The following PDLIM5 variants were observed in gnomAD, a reference collection of about 807,000 sequenced individuals.
PDLIM5 encodes PDZ and LIM domain protein 5.
PDLIM5 carries 34 observed loss-of-function variants against 64.2 expected under a neutral mutation model. That is an observed-to-expected ratio of 0.53 (90% CI 0.40 to 0.71). The LOEUF is 0.71. Among genes scored for constraint, PDLIM5 ranks in the 30% least tolerant of loss-of-function variants. PDLIM5 has a pLI of 0.00. For synonymous variants in PDLIM5, 253 were observed against 269.1 expected (o/e 0.94, Z 0.59); for missense variants, 683 against 733.6 (o/e 0.93, Z 0.80).
rs534332765 is a variant in PDLIM5, at chr4:94,512,173, A to G, written c.97-11551A>G. Among the ~76,000 whole-genome samples the G allele has an allele frequency of 1.2e-4, 18 of 151,990 alleles. No homozygotes were observed. The South Asian group carries it at 3.5e-3, about 30-fold the overall frequency. The stretch of plus-strand genomic sequence containing the variant: ...GTAGCTGGGACTACTGGCATGCCCC[A>G]CCACACCCGGCTAATTTTTGTAATT... On this transcript the variant is annotated intron_variant, in intron 2 of 12. Transcript: ENST00000317968.
chr4:94,576,128 T>G, intron 5 of PDLIM5, 94 bp downstream of exon 5: 2 of 1,036,104 alleles, frequency 1.9e-6, no homozygotes, highest in South Asian at 1.6e-5. Context: ...AAAACCAACT[T>G]TCTTTGAAGG....
chr4:94,498,584 A>G (rs1407648496), intron 2 of PDLIM5, among the ~76,000 whole-genome samples: 1 of 152,248 alleles, frequency 6.6e-6, no homozygotes, highest in Non-Finnish European at 1.5e-5. Flanking sequence ...TAACTTCACA[A>G]GGCAACACTT....
chr4:94,606,173 G>A (rs1250649326), intron 7 of PDLIM5, among the ~76,000 whole-genome samples: 1 of 152,118 alleles, frequency 6.6e-6, no homozygotes, highest in East Asian at 1.9e-4. Flanking sequence ...TTTATGGTAA[G>A]CACTTTGTTA....
At position 94,514,118 on chromosome 4, in the gene PDLIM5, GTTTGCTAGTA is replaced by G. The variant is rs1229546457; in HGVS notation, c.97-9602_97-9593del. On this transcript the variant is annotated intron_variant, in intron 2 of 12. Coordinates refer to ENST00000317968, the MANE Select transcript of PDLIM5 (RefSeq NM_006457.5). ...TCTTTCTAATGTATTGTTGAATTCG[GTTTGCTAGTA>G]TTTTCTTTTTTTTTTTTTTTTTTTG... 8.8e-5 allele frequency among the ~76,000 whole-genome samples: 13 copies of G among 148,316 alleles called. 1 individual carries two copies. Among genetic ancestry groups the G allele is most frequent in the Non-Finnish European group, 3.0e-5 (2 of 67,398 alleles).
intron 5 of PDLIM5, among the ~76,000 whole-genome samples, chr4:94,576,894 C>T (rs905818864): frequency 3.3e-5 from 5 of 151,872 alleles, no homozygotes; most frequent in African/African-American, 4.8e-5. Context: ...TTAACACTTT[C>T]GGTTCAAATA....
chr4:94,523,816 T>G lies in PDLIM5; in HGVS notation c.189T>G (p.His63Gln), dbSNP rs765910922. ...GAATAAATGCACAAGGAATGACTCA[T>G]CTTGAAGCCCAGAATAAGATTAAGG... ...IDGINAQGMT[H>Q]LEAQNKIKGC... Residue 63 changes from histidine to glutamine, a missense_variant, in exon 3 of 13, where the codon CAT (histidine) becomes CAG (glutamine). Transcript: ENST00000317968. The G allele has an allele frequency of 6.2e-7, 1 of 1,612,490 alleles. No homozygotes were observed. Among genetic ancestry groups the G allele is most frequent in the East Asian group, 2.2e-5 (1 of 44,850 alleles).
At chr4:94,598,346 A>G (rs781676738) in intron 7 of PDLIM5, among the ~76,000 whole-genome samples, 4 of 152,202 alleles carry the variant, frequency 2.6e-5, no homozygotes, top group Non-Finnish European at 5.9e-5. Flanking sequence ...CTGGTGGCAT[A>G]TTATGCTAGT....
intron 2 of PDLIM5, among the ~76,000 whole-genome samples, chr4:94,487,797 T>C (rs1208814562): frequency 6.6e-6 from 1 of 152,178 alleles, no homozygotes; most frequent in Non-Finnish European, 1.5e-5. Flanking sequence ...TTTGTGTTTC[T>C]TAAGAAACTT....
chr4:94,564,210 C>T (rs548809587), intron 3 of PDLIM5, among the ~76,000 whole-genome samples: 1 of 152,076 alleles, frequency 6.6e-6, no homozygotes, highest in Admixed American at 6.5e-5. Context: ...GATCCACCCC[C>T]CTTGGCCTCC....
intron 7 of PDLIM5, among the ~76,000 whole-genome samples, chr4:94,591,191 G>A (rs1736647929): frequency 6.6e-6 from 1 of 152,192 alleles, no homozygotes; most frequent in Non-Finnish European, 1.5e-5. Context: ...AGCTAGAATT[G>A]TCTGGACACT....
At chr4:94,662,587 T>C (rs1443113882) in intron 12 of PDLIM5, 50 bp downstream of exon 12, 3 of 748,056 alleles carry the variant, frequency 4.0e-6, no homozygotes. Context: ...TGGCCAATTC[T>C]AGCTTTAGTA....
chr4:94,548,878 T>TATAA (rs1335213178), intron 3 of PDLIM5, among the ~76,000 whole-genome samples: 1 of 152,086 alleles, frequency 6.6e-6, no homozygotes, highest in East Asian at 1.9e-4. Context: ...TCCTTATATG[T>TATAA]ATAAATAAAT....
intron 2 of PDLIM5, among the ~76,000 whole-genome samples, chr4:94,505,727 A>T (rs745564702): frequency 6.6e-6 from 1 of 152,222 alleles, no homozygotes; most frequent in Admixed American, 6.5e-5. Context: ...ACAGACGAAC[A>T]GCCAGATGGG....
chr4:94,488,925 G>A (rs1713467605), intron 2 of PDLIM5: 1 of 152,256 alleles, frequency 6.6e-6, no homozygotes, highest in African/African-American at 2.4e-5. Context: ...AGTAAGGTGA[G>A]GTAGCAGTAC....
intron 2 of PDLIM5, among the ~76,000 whole-genome samples, chr4:94,501,022 TC>T (rs1226131324): frequency 1.3e-5 from 2 of 151,544 alleles, no homozygotes; most frequent in Admixed American, 1.3e-4. Flanking sequence ...GCTCAAGTGA[TC>T]CACCCACCTT....
chr4:94,575,843 G>C lies in PDLIM5; in HGVS notation c.519G>C (p.Leu173=), dbSNP rs573368901. 1.7e-5 allele frequency: 27 copies of C among 1,614,102 alleles called. No individual in the cohort carries two copies. In the South Asian group the frequency reaches 2.7e-4, roughly 16 times the overall value. ...PSPVAAVTPP[L]FAASGLHANA... ...CCGTGGCTGCCGTCACTCCTCCCCT[G>C]TTCGCTGCATCTGGACTGCATGCTA... Residue 173 remains leucine, a synonymous_variant, in exon 5 of 13, where the codon CTG becomes CTC. Coordinates refer to ENST00000317968, the MANE Select transcript of PDLIM5 (RefSeq NM_006457.5).
intron 2 of PDLIM5, among the ~76,000 whole-genome samples, chr4:94,466,368 G>C (rs1030335211): frequency 6.6e-6 from 1 of 152,160 alleles, no homozygotes; most frequent in African/African-American, 2.4e-5. Flanking sequence ...CTGGTTTCCA[G>C]ACTGACTAGT....
intron 5 of PDLIM5, chr4:94,579,484 G>A (rs1345421120): frequency 6.2e-6 from 7 of 1,124,628 alleles, no homozygotes; most frequent in Admixed American, 2.4e-5. Context: ...AAAAAATGAT[G>A]TGGTAGTAAT....
At chr4:94,463,148 G>C (rs1227263629) in intron 2 of PDLIM5, among the ~76,000 whole-genome samples, 2 of 152,170 alleles carry the variant, frequency 1.3e-5, no homozygotes, top group Admixed American at 6.5e-5. Context: ...ATAGTGCCCT[G>C]TCATAGACTT....
Sources: gnomAD v4.1 joint callset for allele counts (sites outside exome capture counted in the v4.1 genomes callset) on GRCh38, gnomAD v4.1.1 for gene constraint, MANE v1.5 for transcripts, NCBI Gene and HGNC (gene_info 2026-07-23, HGNC 2026-07-21) for gene names.